USP38: variants seen among roughly 807,000 people sequenced by gnomAD.
The protein encoded by USP38 is ubiquitin specific peptidase 38.
A neutral mutation model predicts 94.3 loss-of-function variants in USP38; 49 were observed. The observed-to-expected ratio is 0.52, with a 90% CI of 0.41 to 0.66. The LOEUF is 0.66. Among genes scored for constraint, USP38 ranks in the 30% least tolerant of loss-of-function variants. The pLI, the probability that USP38 is intolerant of heterozygous loss-of-function variation, is 0.00. For synonymous variants in USP38, 468 were observed against 463.6 expected (o/e 1.01, Z -0.12); for missense variants, 1,128 against 1,229.4 (o/e 0.92, Z 1.23).
intron 7 of USP38, among the ~76,000 whole-genome samples, chr4:143,210,011 A>AC (rs1440414174): frequency 6.6e-6 from 1 of 152,182 alleles, no homozygotes; most frequent in African/African-American, 2.4e-5. Flanking sequence ...TCCTGATATT[A>AC]AATTAGTAGA....
At chr4:143,219,688 G>C (rs1428865569) in intron 9 of USP38, among the ~76,000 whole-genome samples, 1 of 151,952 alleles carries the variant, frequency 6.6e-6, no homozygotes, top group Non-Finnish European at 1.5e-5. Context: ...TGTATACCTT[G>C]CCAAATGAAT....
chr4:143,186,335 T>C (rs868596548), intron 1 of USP38, among the ~76,000 whole-genome samples: 2 of 152,194 alleles, frequency 1.3e-5, no homozygotes, highest in Non-Finnish European at 2.9e-5. Flanking sequence ...AGCGTTCCCA[T>C]TTTAAAGGTT....
intron 2 of USP38, among the ~76,000 whole-genome samples, chr4:143,191,679 A>G (rs576836908): frequency 9.6e-4 from 147 of 152,366 alleles, no homozygotes; most frequent in African/African-American, 3.3e-3. Context: ...GTTCCTACTC[A>G]GTGCCAGGCA....
intron 2 of USP38, among the ~76,000 whole-genome samples, chr4:143,191,888 A>G (rs1047271324): frequency 1.3e-5 from 2 of 152,252 alleles, no homozygotes; most frequent in Non-Finnish European, 2.9e-5. Context: ...CATGGTGGAT[A>G]AGATTCCTAT....
intron 9 of USP38, among the ~76,000 whole-genome samples, chr4:143,217,649 T>G (rs1326410308): frequency 1.3e-5 from 2 of 152,120 alleles, no homozygotes; most frequent in Non-Finnish European, 2.9e-5. Context: ...TTTAAGAAGC[T>G]TTTTTTAGGA....
At chr4:143,215,648 G>T (rs1195883846) in intron 9 of USP38, 1 of 151,912 alleles carries the variant, frequency 6.6e-6, no homozygotes, top group Non-Finnish European at 1.5e-5. Flanking sequence ...AATTACAGGT[G>T]AAATTCTAGG....
At position 143,214,826 on chromosome 4, in the gene USP38, T is replaced by C; in HGVS notation, c.2850T>C (p.His950=). 1.2e-6 allele frequency: 2 copies of C among 1,613,736 alleles called. No individual in the cohort carries two copies. The highest frequency in any genetic ancestry group is 1.7e-6 in the Non-Finnish European group (2 of 1,179,764). Residue 950 remains histidine (H), a synonymous_variant, in exon 9 of 10, where the codon CAT becomes CAC. Transcript: ENST00000307017. ...TAYVLLYKKQ[H]STNGLSGNNP... is the part of the protein sequence containing the mutation. Reference sequence around the variant, plus strand: ...ATGTGCTTTTGTATAAAAAACAGCATAGTACTAATGGTTTAAGTGGTAATA... The same window carrying C: ...ATGTGCTTTTGTATAAAAAACAGCACAGTACTAATGGTTTAAGTGGTAATA...
intron 9 of USP38, among the ~76,000 whole-genome samples, chr4:143,218,790 A>T (rs1457221288): frequency 1.3e-5 from 2 of 152,108 alleles, no homozygotes; most frequent in Non-Finnish European, 2.9e-5. Flanking sequence ...TTCGTTACAG[A>T]ACATTGTCTA....
intron 4 of USP38, among the ~76,000 whole-genome samples, chr4:143,202,264 A>C (rs984422700): frequency 5.9e-5 from 9 of 152,174 alleles, no homozygotes; most frequent in African/African-American, 1.9e-4. Flanking sequence ...GTAATGCAAA[A>C]GCTACAGTGT....
chr4:143,185,773 A>T lies in USP38; in HGVS notation c.323A>T (p.His108Leu). 1 of 1,614,196 alleles carries T rather than the reference A, an allele frequency of 6.2e-7. No individual in the cohort carries two copies. Among genetic ancestry groups the T allele is most frequent in the Non-Finnish European group, 8.5e-7 (1 of 1,180,030 alleles). Residue 108 changes from histidine to leucine, a missense_variant, in exon 1 of 10, where the codon CAC (histidine) becomes CTC (leucine). By Grantham distance (99) the His-to-Leu change is moderately conservative. Transcript: ENST00000307017. ...RKDVAILDYIHNGLKLIMSCP... is the reference protein window; with the variant it reads ...RKDVAILDYILNGLKLIMSCP... ...GATGTAGCCATCCTGGACTACATTCACAACGGCCTGAAGCTGATTATGAGC... is the reference window on the plus strand; with the variant it reads ...GATGTAGCCATCCTGGACTACATTCTCAACGGCCTGAAGCTGATTATGAGC...
Position 143,214,869 on chromosome 4 carries a change from T to C in USP38, c.2893T>C (p.Trp965Arg). The C allele has an allele frequency of 6.2e-7, 1 of 1,613,586 alleles. No individual in the cohort carries two copies. The highest frequency in any genetic ancestry group is 8.5e-7 in the Non-Finnish European group (1 of 1,179,698). Reference protein sequence around the residue: ...LSGNNPTSGLWINGDPPLQKE... With the variant: ...LSGNNPTSGLRINGDPPLQKE... ...TGGTAATAACCCAACCAGTGGACTC[T>C]GGATAAATGGAGACCCACCTCTACA... The change falls in exon 9 of 10, where the codon TGG becomes CGG. Residue 965 changes from tryptophan (W) to arginine (R), a missense_variant. Coordinates refer to ENST00000307017, the MANE Select transcript of USP38 (RefSeq NM_032557.6).
chr4:143,215,648 G>A (rs1195883846), intron 9 of USP38: 1 of 151,912 alleles, frequency 6.6e-6, no homozygotes, highest in Non-Finnish European at 1.5e-5. Flanking sequence ...AATTACAGGT[G>A]AAATTCTAGG....
At chr4:143,195,174 T>A (rs1352488673) in intron 2 of USP38, among the ~76,000 whole-genome samples, 3 of 152,218 alleles carry the variant, frequency 2.0e-5, no homozygotes, top group Non-Finnish European at 2.9e-5. Flanking sequence ...CAGATTACAT[T>A]TCAGCTGCTC....
chr4:143,196,627 T>C (rs989912634), intron 3 of USP38, among the ~76,000 whole-genome samples: 1 of 152,208 alleles, frequency 6.6e-6, no homozygotes, highest in African/African-American at 2.4e-5. Context: ...CAGTTCAGTC[T>C]TTGGTCCATT....
Position 143,203,539 on chromosome 4 carries a change from C to T in USP38, c.1182C>T (p.Leu394=). 4 of 1,612,314 alleles carry T rather than the reference C, an allele frequency of 2.5e-6. No homozygotes were observed. The highest frequency in any genetic ancestry group is 3.4e-6 in the Non-Finnish European group (4 of 1,179,416). ...MMYHYSGFPD[L]YEPILEAIKD... ...ATCATTATTCTGGATTTCCAGATCT[C>T]TATGAACCTATTCTGGAGGCAATAA... Residue 394 remains leucine, a synonymous_variant, in exon 5 of 10, where the codon CTC becomes CTT. Transcript: ENST00000307017.
Position 143,209,533 on chromosome 4 carries a change from C to CAT in USP38, c.1404-23_1404-22dup, listed in dbSNP as rs1336839951. The CAT allele has an allele frequency of 2.3e-6, 3 of 1,324,072 alleles. No homozygotes were observed. In the East Asian group the frequency reaches 7.0e-5, roughly 31 times the overall value. 82.0% of individuals were successfully genotyped at this position (1,324,072 alleles called of 1,614,324 possible). The stretch of plus-strand genomic sequence containing the variant: ...TAATAAATGCATGTGTTTGTACGCA[C>CAT]ATATATATAAATCATTATATTCTCT... On this transcript the variant is annotated intron_variant, in intron 6 of 9. Transcript: ENST00000307017.
intron 4 of USP38, among the ~76,000 whole-genome samples, chr4:143,200,720 C>G (rs184865033): frequency 6.6e-6 from 1 of 152,264 alleles, no homozygotes; most frequent in Non-Finnish European, 1.5e-5. Context: ...ACTAGCATTC[C>G]TATACACCAA....
Position 143,221,246 on chromosome 4 carries a change from G to A in USP38, c.*790G>A, listed in dbSNP as rs1437453560. Reference sequence around the variant, plus strand: ...CTTGCAGTACTGTAATTCAAAAATAGGAATCTTTGGCTGCAAAATTTTAAT... The same window carrying A: ...CTTGCAGTACTGTAATTCAAAAATAAGAATCTTTGGCTGCAAAATTTTAAT... On this transcript the variant is annotated 3_prime_UTR_variant, in exon 10 of 10. Coordinates refer to ENST00000307017, the MANE Select transcript of USP38 (RefSeq NM_032557.6). The A allele has an allele frequency of 1.3e-5, 2 of 152,456 alleles. No individual in the cohort carries two copies. Among genetic ancestry groups the A allele is most frequent in the African/African-American group, 4.8e-5 (2 of 41,422 alleles). 9.4% of individuals were successfully genotyped at this position (152,456 alleles called of 1,614,324 possible).
intron 6 of USP38, among the ~76,000 whole-genome samples, chr4:143,207,549 AAGAG>A (rs530142564): frequency 1.6e-4 from 24 of 152,104 alleles, no homozygotes; most frequent in Admixed American, 2.6e-4. Flanking sequence ...AAAAGAAAGA[AAGAG>A]AGAGAGAGAA....
Sources: allele counts gnomAD v4.1 joint callset (sites outside exome capture counted in the v4.1 genomes callset), GRCh38; gene constraint gnomAD v4.1.1; transcripts MANE v1.5; gene names NCBI Gene and HGNC (gene_info 2026-07-23, HGNC 2026-07-21).